The following PTPRD variants were observed in gnomAD, a reference collection of about 807,000 sequenced individuals.
PTPRD encodes protein tyrosine phosphatase receptor type D.
In PTPRD, 34 loss-of-function variants were observed where a neutral mutation model predicts 214.5. That is an observed-to-expected ratio of 0.16 (90% CI 0.12 to 0.21). The LOEUF (loss-of-function observed/expected upper bound fraction) is 0.21. Ranked by LOEUF, PTPRD falls within the 10% of genes least tolerant of loss-of-function variation. The pLI is 1.00. For synonymous variants in PTPRD, 1,128 were observed against 845.7 expected (o/e 1.33, Z -5.79); for missense variants, 2,545 against 2,398.7 (o/e 1.06, Z -1.27).
At position 8,486,350 on chromosome 9, in the gene PTPRD, C is replaced by G. The variant is rs1591741974; in HGVS notation, c.2468-1G>C. 6.2e-7 allele frequency: 1 copy of G among 1,613,742 alleles called. No homozygotes were observed. Among genetic ancestry groups the G allele is most frequent in the Non-Finnish European group, 8.5e-7 (1 of 1,179,668 alleles). ...ATCACAAGCCGAGGTTTCCCTGGAA[C>G]TGGAGCACATGGGATGGAGTGGTAA... is the stretch of plus-strand genomic sequence containing the variant. On this transcript the variant is annotated splice_acceptor_variant, in intron 27 of 45. Transcript: ENST00000381196. LOFTEE classifies it high-confidence loss of function.
At chr9:9,872,505 G>A (rs1401963625) in intron 5 of PTPRD, among the ~76,000 whole-genome samples, 1 of 152,094 alleles carries the variant, frequency 6.6e-6, no homozygotes, top group South Asian at 2.1e-4. Context: ...GGAGTCTGAG[G>A]TGGGAGGATT....
intron 8 of PTPRD, among the ~76,000 whole-genome samples, chr9:9,430,334 C>T (rs910781459): frequency 1.3e-5 from 2 of 151,554 alleles, no homozygotes; most frequent in African/African-American, 2.4e-5. Context: ...ACCTAGGAAT[C>T]CAACTTACAT....
rs368784693 is a variant in PTPRD, at chr9:10,310,110, C to T, written c.-545+30853G>A. Among the ~76,000 whole-genome samples, 137 of 152,082 alleles carry T rather than the reference C, an allele frequency of 9.0e-4. 2 individuals are homozygous for T. The South Asian group carries it at 0.022, about 24-fold the overall frequency. On this transcript the variant is annotated intron_variant, in intron 3 of 45. Coordinates refer to ENST00000381196, the MANE Select transcript of PTPRD (RefSeq NM_002839.4). ...ACCAATTACTCTCTTTTTGGACACA[C>T]GAACAAGAAGCCTTTATGGAGACTT...
At chr9:9,781,145 C>T (rs918388946) in intron 5 of PTPRD, among the ~76,000 whole-genome samples, 1 of 151,998 alleles carries the variant, frequency 6.6e-6, no homozygotes, top group African/African-American at 2.4e-5. Flanking sequence ...ATAGAATGTA[C>T]AAGAACAACA....
At chr9:9,906,265 C>T (rs1226914088) in intron 5 of PTPRD, among the ~76,000 whole-genome samples, 2 of 151,832 alleles carry the variant, frequency 1.3e-5, no homozygotes, top group African/African-American at 2.4e-5. Context: ...AGAGTTAATT[C>T]AAAATTTTTC....
chr9:8,937,765 G>A (rs1040729589), intron 11 of PTPRD, among the ~76,000 whole-genome samples: 3 of 151,958 alleles, frequency 2.0e-5, no homozygotes, highest in East Asian at 3.9e-4. Context: ...TTAATCTTTG[G>A]CATTTTATTC....
At chr9:8,730,176 A>C (rs2098640219) in intron 12 of PTPRD, among the ~76,000 whole-genome samples, 1 of 152,180 alleles carries the variant, frequency 6.6e-6, no homozygotes, top group Admixed American at 6.5e-5. Context: ...GAATGGCGTG[A>C]ACCCAGGAGG....
chr9:9,179,319 A>G (rs1448651692), intron 10 of PTPRD, among the ~76,000 whole-genome samples: 5 of 152,138 alleles, frequency 3.3e-5, no homozygotes, highest in African/African-American at 1.2e-4. Context: ...ATTTGGCTAT[A>G]GAACCCACAG....
intron 11 of PTPRD, among the ~76,000 whole-genome samples, chr9:8,951,588 T>G (rs1331103798): frequency 6.6e-6 from 1 of 152,004 alleles, no homozygotes; most frequent in Non-Finnish European, 1.5e-5. Context: ...TCCCATCTCC[T>G]ATGTCTAATG....
In PTPRD at chr9:9,962,041, TA is replaced by T. The variant is rs201585431; in HGVS notation, c.-471-23432del. Among the ~76,000 whole-genome samples the T allele has an allele frequency of 2.8e-4, 43 of 152,226 alleles. No individual in the cohort carries two copies. In the East Asian group the frequency reaches 8.1e-3, roughly 29 times the overall value. On this transcript the variant is annotated intron_variant, in intron 4 of 45. Coordinates refer to ENST00000381196, the MANE Select transcript of PTPRD (RefSeq NM_002839.4). ...AATCAGGTAGAAGAAAATAATCCCA[TA>T]GAAACAAGTATAAGCAAATTTTAGT...
At chr9:9,955,769 G>A (rs1055797475) in intron 4 of PTPRD, among the ~76,000 whole-genome samples, 5 of 152,074 alleles carry the variant, frequency 3.3e-5, no homozygotes, top group Non-Finnish European at 4.4e-5. Context: ...GTGATAGCCC[G>A]CCTCGGCCTC....
At chr9:10,160,393 C>G (rs908522317) in intron 3 of PTPRD, among the ~76,000 whole-genome samples, 1 of 151,982 alleles carries the variant, frequency 6.6e-6, no homozygotes, top group Non-Finnish European at 1.5e-5. Context: ...AATCTGTTGG[C>G]TTCACTGCTG....
chr9:10,103,518 A>T (rs930596257), intron 3 of PTPRD, among the ~76,000 whole-genome samples: 6 of 151,094 alleles, frequency 4.0e-5, no homozygotes, highest in African/African-American at 1.5e-4. Flanking sequence ...AATGGAAACT[A>T]CCCAAGAGTC....
Position 9,334,431 on chromosome 9 carries a change from T to G in PTPRD, c.-203+63018A>C, listed in dbSNP as rs149366846. 3.9e-3 allele frequency among the ~76,000 whole-genome samples: 589 copies of G among 152,138 alleles called. 6 individuals are homozygous for G. Among genetic ancestry groups the G allele is most frequent in the African/African-American group, 0.013 (548 of 41,566 alleles). On this transcript the variant is annotated intron_variant, in intron 9 of 45. Transcript: ENST00000381196. ...GTGAAATAGTCTGTTAATCACCTAG[T>G]TGATTTATCTAGTGGGGATTTCATA...
At chr9:8,736,632 G>C (rs1297587545) in intron 11 of PTPRD, among the ~76,000 whole-genome samples, 1 of 151,742 alleles carries the variant, frequency 6.6e-6, no homozygotes, top group African/African-American at 2.4e-5. Context: ...GTATTCATAA[G>C]CGGTTTGAAT....
intron 7 of PTPRD, among the ~76,000 whole-genome samples, chr9:9,604,634 C>T (rs1390012056): frequency 2.0e-5 from 3 of 152,006 alleles, no homozygotes; most frequent in East Asian, 1.9e-4. Flanking sequence ...ATTACTACTA[C>T]ATTTTATTTT....
chr9:8,440,348 C>A (rs985792068), intron 34 of PTPRD, among the ~76,000 whole-genome samples: 1 of 150,698 alleles, frequency 6.6e-6, no homozygotes, highest in Non-Finnish European at 1.5e-5. Context: ...TGTAGTCTCA[C>A]TCTGTTGCCC....
chr9:9,739,568 T>A (rs2098364710), intron 6 of PTPRD, among the ~76,000 whole-genome samples: 1 of 152,094 alleles, frequency 6.6e-6, no homozygotes, highest in Non-Finnish European at 1.5e-5. Context: ...TTAGCTTTCC[T>A]TGAATCCTCT....
intron 11 of PTPRD, among the ~76,000 whole-genome samples, chr9:9,011,730 C>G (rs796353052): frequency 6.6e-6 from 1 of 152,116 alleles, no homozygotes; most frequent in Non-Finnish European, 1.5e-5. Context: ...TTAGTGAGAA[C>G]AAATTAAGAT....
Sources: allele counts gnomAD v4.1 joint callset (sites outside exome capture counted in the v4.1 genomes callset), GRCh38; gene constraint gnomAD v4.1.1; transcripts MANE v1.5; gene names NCBI Gene and HGNC (gene_info 2026-07-23, HGNC 2026-07-21).